The following RTP2 variants were observed in gnomAD, a reference collection of about 807,000 sequenced individuals.
RTP2 encodes receptor transporter protein 2.
In RTP2, 12 loss-of-function variants were observed where a neutral mutation model predicts 17.9. The ratio of observed to expected loss-of-function variants is 0.67; its 90% confidence interval spans 0.43 to 1.09. RTP2 has a LOEUF of 1.09. RTP2 is among the 50% of genes least tolerant of loss of function. The pLI is 0.00. For missense variants in RTP2, 327 were observed against 295.7 expected, an observed-to-expected ratio of 1.11 and a Z score of -0.78; for synonymous variants, 126 against 117.7, an observed-to-expected ratio of 1.07 and a Z score of -0.46.
At chr3:187,702,658 G>T (rs1355441325), upstream of RTP2, 2 of 446,686 alleles carry the variant, frequency 4.5e-6, no homozygotes, top group African/African-American at 4.0e-5. Context: ...AGCACAAACC[G>T]CTTGACCTGT....
At chr3:187,713,736 C>G in the RTP2 span, among the ~76,000 whole-genome samples, 1 of 151,448 alleles carries the variant, frequency 6.6e-6, no homozygotes, top group Non-Finnish European at 1.5e-5. Context: ...GGGGACCAAT[C>G]AGAGGTACTT....
At chr3:187,712,090 A>G in the RTP2 span, among the ~76,000 whole-genome samples, 1 of 152,298 alleles carries the variant, frequency 6.6e-6, no homozygotes, top group African/African-American at 2.4e-5. Context: ...ATCTACACAT[A>G]CAACAAAATT....
At chr3:187,703,075 A>G (rs1284689967), upstream of RTP2, among the ~76,000 whole-genome samples, 2 of 152,174 alleles carry the variant, frequency 1.3e-5, no homozygotes, top group South Asian at 2.1e-4. Context: ...GTGATGCCCA[A>G]TTCAAATTCT....
upstream of RTP2, among the ~76,000 whole-genome samples, chr3:187,704,377 C>T (rs1054086008): frequency 5.3e-5 from 8 of 152,112 alleles, no homozygotes; most frequent in Non-Finnish European, 1.2e-4. Context: ...AAGGTGTGTA[C>T]ATCAAAATCA....
chr3:187,707,073 T>G (rs1718010287), upstream of RTP2, among the ~76,000 whole-genome samples: 1 of 152,228 alleles, frequency 6.6e-6, no homozygotes, highest in African/African-American at 2.4e-5. Flanking sequence ...TGATGCTGCC[T>G]GTGAGATGGG....
chr3:187,706,073 T>G (rs3915051), upstream of RTP2, among the ~76,000 whole-genome samples: 77,195 of 152,046 alleles, frequency 0.51, 22,727 homozygotes, highest in East Asian at 0.75. Flanking sequence ...TGCTTAGAGT[T>G]AAGTTAAATA....
chr3:187,713,728 G>A, the RTP2 span, among the ~76,000 whole-genome samples: 34 of 152,202 alleles, frequency 2.2e-4, no homozygotes, highest in East Asian at 4.1e-3. Context: ...TTGCAGGAGG[G>A]GACCAATCAG....
the RTP2 span, among the ~76,000 whole-genome samples, chr3:187,712,216 G>C: frequency 6.6e-6 from 1 of 152,076 alleles, no homozygotes; most frequent in Non-Finnish European, 1.5e-5. Flanking sequence ...TTCCTGGCTT[G>C]GATATTGTGC....
At chr3:187,699,126 G>A in intron 1 of RTP2, 115 bp from the exon 2 acceptor site, 1 of 1,237,906 alleles carries the variant, frequency 8.1e-7, no homozygotes, top group Non-Finnish European at 1.1e-6. Context: ...TGGAGGCAGT[G>A]TTTACTGCCC....
chr3:187,709,464 T>C, the RTP2 span, among the ~76,000 whole-genome samples: 2 of 152,130 alleles, frequency 1.3e-5, no homozygotes, highest in Non-Finnish European at 1.5e-5. Context: ...GGTGGGCAGA[T>C]CATGAAGTTA....
chr3:187,711,707 T>G, the RTP2 span, among the ~76,000 whole-genome samples: 4 of 152,204 alleles, frequency 2.6e-5, no homozygotes, highest in Admixed American at 2.0e-4. Context: ...TCCTCTCAGC[T>G]CTGCCAGTGA....
At chr3:187,712,938 C>G in the RTP2 span, among the ~76,000 whole-genome samples, 2 of 152,196 alleles carry the variant, frequency 1.3e-5, no homozygotes, top group Non-Finnish European at 2.9e-5. Context: ...AGGCCAGTAG[C>G]TGGTCAACAG....
the RTP2 span, among the ~76,000 whole-genome samples, chr3:187,708,224 C>G: frequency 6.6e-6 from 1 of 152,162 alleles, no homozygotes; most frequent in Non-Finnish European, 1.5e-5. Flanking sequence ...ACCAAATTGC[C>G]TTAAATCTCC....
chr3:187,709,128 A>G, the RTP2 span, among the ~76,000 whole-genome samples: 1 of 152,074 alleles, frequency 6.6e-6, no homozygotes, highest in African/African-American at 2.4e-5. Flanking sequence ...ATTTTTTCCA[A>G]GTTACTATTG....
upstream of RTP2, among the ~76,000 whole-genome samples, chr3:187,705,017 C>T (rs1411391422): frequency 1.3e-5 from 2 of 152,174 alleles, no homozygotes; most frequent in Non-Finnish European, 2.9e-5. Flanking sequence ...TCCCAGCACC[C>T]CAAAGGCTCT....
At chr3:187,713,184 C>T in the RTP2 span, among the ~76,000 whole-genome samples, 10 of 152,218 alleles carry the variant, frequency 6.6e-5, no homozygotes, top group African/African-American at 1.7e-4. Context: ...TCCAGGGACA[C>T]GGGCCTACAC....
chr3:187,712,672 T>C, the RTP2 span, among the ~76,000 whole-genome samples: 1 of 152,164 alleles, frequency 6.6e-6, no homozygotes, highest in Non-Finnish European at 1.5e-5. Context: ...CATGTTCGTC[T>C]CCTGGATGCA....
At chr3:187,711,672 A>T in the RTP2 span, among the ~76,000 whole-genome samples, 1 of 152,244 alleles carries the variant, frequency 6.6e-6, no homozygotes, top group Non-Finnish European at 1.5e-5. Flanking sequence ...TTACAACTTC[A>T]GAGTCTAGAG....
chr3:187,709,007 G>T, the RTP2 span, among the ~76,000 whole-genome samples: 1 of 147,518 alleles, frequency 6.8e-6, no homozygotes, highest in South Asian at 2.1e-4. Flanking sequence ...GTAGAACCTA[G>T]GCACAGTTTT....
Sources: allele counts gnomAD v4.1 joint callset (sites outside exome capture counted in the v4.1 genomes callset), GRCh38; gene constraint gnomAD v4.1.1; transcripts MANE v1.5; gene names NCBI Gene and HGNC (gene_info 2026-07-23, HGNC 2026-07-21).